EPHB2: variants seen among roughly 807,000 people sequenced by gnomAD.
EPHB2 encodes EPH receptor B2.
Under a neutral mutation model 96.4 loss-of-function variants are expected in EPHB2, and 18 were observed. The observed-to-expected ratio is 0.19, with a 90% confidence interval of 0.13 to 0.28. EPHB2 has a LOEUF of 0.28. EPHB2 is among the 10% of genes least tolerant of loss of function. EPHB2 has a pLI of 1.00. For missense variants in EPHB2, 989 were observed against 1,355.4 expected (o/e 0.73, Z 4.25); for synonymous variants, 506 against 534.1 (o/e 0.95, Z 0.72).
intron 3 of EPHB2, among the ~76,000 whole-genome samples, chr1:22,839,406 T>C (rs1210522169): frequency 1.3e-5 from 2 of 152,196 alleles, no homozygotes; most frequent in African/African-American, 4.8e-5. Flanking sequence ...GCAACTCTTA[T>C]GGAGTATCCA....
At chr1:22,863,260 A>G (rs1638341184) in intron 4 of EPHB2, 68 bp downstream of exon 4, 1 of 1,610,154 alleles carries the variant, frequency 6.2e-7, no homozygotes, top group Non-Finnish European at 8.5e-7. Context: ...AAAAGCTCAG[A>G]GTGAGGATTG....
At chr1:22,885,401 C>T (rs1443848338) in intron 6 of EPHB2, among the ~76,000 whole-genome samples, 1 of 152,236 alleles carries the variant, frequency 6.6e-6, no homozygotes, top group Non-Finnish European at 1.5e-5. Flanking sequence ...CAGCTCTGCC[C>T]TACTTTCCGC....
At chr1:22,836,970 G>A (rs1408824974) in intron 3 of EPHB2, 2 of 152,286 alleles carry the variant, frequency 1.3e-5, no homozygotes, top group African/African-American at 4.8e-5. Flanking sequence ...AAAGTCCTGT[G>A]AGGTACAGGA....
intron 3 of EPHB2, among the ~76,000 whole-genome samples, chr1:22,817,365 C>T (rs1042104285): frequency 2.0e-5 from 3 of 152,230 alleles, no homozygotes; most frequent in Admixed American, 6.5e-5. Flanking sequence ...AAATGTGGCA[C>T]AGAAAGGCTT....
intron 1 of EPHB2, among the ~76,000 whole-genome samples, chr1:22,760,839 C>T (rs1644225319): frequency 6.6e-6 from 1 of 152,136 alleles, no homozygotes; most frequent in African/African-American, 2.4e-5. Flanking sequence ...GGCTGTGTCT[C>T]GGGTAGGTAT....
chr1:22,716,465 G>T (rs1643298006), intron 1 of EPHB2, among the ~76,000 whole-genome samples: 1 of 152,146 alleles, frequency 6.6e-6, no homozygotes, highest in Non-Finnish European at 1.5e-5. Flanking sequence ...CGGAGTAGCT[G>T]GGACTACAGG....
chr1:22,914,376 GC>G lies in EPHB2; in HGVS notation c.*810del, dbSNP rs1248470402. 3.1e-5 allele frequency: 5 copies of G among 161,436 alleles called. No homozygotes were observed. The highest frequency in any genetic ancestry group is 9.6e-5 in the African/African-American group (4 of 41,496). The allele number at this position is 161,436 out of a possible 1,614,324, so 10.0% of individuals were successfully genotyped here. On this transcript the variant is annotated 3_prime_UTR_variant, in exon 16 of 16. Coordinates refer to ENST00000374630, the MANE Select transcript of EPHB2 (RefSeq NM_017449.5). ...GCCCTCCTGGTGCCCACTCCCGCCA[GC>G]CCCTGCCTCGAGGACTGATACTGCA...
intron 3 of EPHB2, among the ~76,000 whole-genome samples, chr1:22,844,520 G>T (rs1358240202): frequency 5.3e-5 from 8 of 152,344 alleles, no homozygotes; most frequent in African/African-American, 1.7e-4. Flanking sequence ...TGACAGCAGG[G>T]TCTAAGTGCT....
At chr1:22,912,931 A>G (rs1640155060) in intron 15 of EPHB2, 1 of 385,194 alleles carries the variant, frequency 2.6e-6, no homozygotes, top group Non-Finnish European at 5.0e-6. Flanking sequence ...ACAGTGGCTC[A>G]TGCCTGTAAT....
At chr1:22,762,164 G>A (rs1396881916) in intron 1 of EPHB2, among the ~76,000 whole-genome samples, 3 of 152,214 alleles carry the variant, frequency 2.0e-5, no homozygotes, top group East Asian at 3.9e-4. Flanking sequence ...GTGGCGTATG[G>A]GAAGGGGCCA....
intron 3 of EPHB2, among the ~76,000 whole-genome samples, chr1:22,818,773 G>A (rs961660679): frequency 5.9e-5 from 9 of 152,142 alleles, no homozygotes; most frequent in Admixed American, 3.3e-4. Context: ...CAGTTTTGAC[G>A]TCACCTCCAA....
intron 3 of EPHB2, among the ~76,000 whole-genome samples, chr1:22,828,957 G>A (rs1259641579): frequency 6.6e-6 from 1 of 152,218 alleles, no homozygotes; most frequent in African/African-American, 2.4e-5. Context: ...CACACGCATA[G>A]AATATTCACT....
chr1:22,892,828 C>T, intron 6 of EPHB2, 56 bp from the exon 7 acceptor site: 4 of 1,609,454 alleles, frequency 2.5e-6, no homozygotes, highest in Non-Finnish European at 3.4e-6. Flanking sequence ...AGGCAGTGGG[C>T]TCTGGACCCA....
rs1279676178 is a variant in EPHB2 at position 22,717,148 on chromosome 1, C to T, written c.61+6105C>T. 2.0e-5 allele frequency among the ~76,000 whole-genome samples: 3 copies of T among 152,200 alleles called. No individual in the cohort carries two copies. In the East Asian group the frequency reaches 5.8e-4, roughly 29 times the overall value. On this transcript the variant is annotated intron_variant, in intron 1 of 15. Transcript: ENST00000374630. The stretch of plus-strand genomic sequence containing the variant: ...TGAAATCAATCAGAGTTAGCGCCCA[C>T]CAGCCCTGGCTGCCGCTGGCTCGTG...
In EPHB2 at chr1:22,748,797, A is replaced by G. The variant is rs540890695; in HGVS notation, c.62-32624A>G. On this transcript the variant is annotated intron_variant, in intron 1 of 15. Coordinates refer to ENST00000374630, the MANE Select transcript of EPHB2 (RefSeq NM_017449.5). ...ATTATATAATTTATTTTAATTATAA[A>G]GTTTCCTCCAATTCTTTCTAGAAAT... is the stretch of plus-strand genomic sequence containing the variant. 4.0e-5 allele frequency among the ~76,000 whole-genome samples: 6 copies of G among 149,632 alleles called. No homozygotes were observed. The South Asian group carries it at 1.3e-3, about 32-fold the overall frequency.
intron 3 of EPHB2, among the ~76,000 whole-genome samples, chr1:22,793,488 G>GA (rs892423173): frequency 6.6e-6 from 1 of 151,978 alleles, no homozygotes; most frequent in African/African-American, 2.4e-5. Flanking sequence ...ATTAGTCCAG[G>GA]AAAAAAATGG....
chr1:22,768,345 C>T (rs1022430384), intron 1 of EPHB2, among the ~76,000 whole-genome samples: 1 of 152,174 alleles, frequency 6.6e-6, no homozygotes, highest in Non-Finnish European at 1.5e-5. Flanking sequence ...TTCTGTGGTC[C>T]TCTGCTGTCT....
chr1:22,877,992 G>A (rs1457549904), intron 5 of EPHB2, among the ~76,000 whole-genome samples: 1 of 152,246 alleles, frequency 6.6e-6, no homozygotes, highest in Non-Finnish European at 1.5e-5. Context: ...TTTTAAAAGT[G>A]CTGCAATCTA....
rs1640183657 is a variant in EPHB2 at position 22,913,654 on chromosome 1, G to A, written c.*84G>A. The A allele has an allele frequency of 6.9e-6, 11 of 1,600,018 alleles. No individual in the cohort carries two copies. The highest frequency in any genetic ancestry group is 1.8e-5 in the Admixed American group (1 of 57,028). ...CGGCCCTCCTGGTGCTCTATCCACT[G>A]CAGGGCCAGCCACTCGCCAGGAGGC... On this transcript the variant is annotated 3_prime_UTR_variant, in exon 16 of 16. Transcript: ENST00000374630. This position sits in a 1 kb window ranked among gnomAD's most constrained non-coding sequence, Gnocchi z 4.1.
Sources: gnomAD v4.1 joint callset for allele counts (sites outside exome capture counted in the v4.1 genomes callset) on GRCh38, gnomAD v4.1.1 for gene constraint, Gnocchi (gnomAD v3.1) non-coding constraint, MANE v1.5 for transcripts, NCBI Gene and HGNC (gene_info 2026-07-23, HGNC 2026-07-21) for gene names.